Variants in USP31 observed in about 807,000 individuals in gnomAD.
USP31 encodes ubiquitin specific peptidase 31.
USP31 carries 44 observed loss-of-function variants against 119.4 expected under a neutral mutation model. The ratio of observed to expected loss-of-function variants is 0.37; its 90% CI spans 0.29 to 0.47. The LOEUF is 0.47. Among genes scored for constraint, USP31 ranks in the 20% least tolerant of loss-of-function variants. USP31 has a pLI of 0.99. For missense variants in USP31, 1,643 were observed against 1,730.2 expected, an observed-to-expected ratio of 0.95 and a Z score of 0.89; for synonymous variants, 749 against 705.6, an observed-to-expected ratio of 1.06 and a Z score of -0.97.
chr16:23,121,392 A>G (rs920600120), intron 1 of USP31, among the ~76,000 whole-genome samples: 48 of 152,182 alleles, frequency 3.2e-4, no homozygotes, highest in African/African-American at 9.9e-4. Context: ...AGACACCTCC[A>G]GCTCATCCTG....
At chr16:23,126,855 C>T (rs1567244811) in intron 1 of USP31, among the ~76,000 whole-genome samples, 1 of 151,982 alleles carries the variant, frequency 6.6e-6, no homozygotes, top group Non-Finnish European at 1.5e-5. Context: ...TACCATTTAT[C>T]TAAATAAGAG....
chr16:23,077,463 G>C (rs1900625886), intron 13 of USP31, among the ~76,000 whole-genome samples: 1 of 152,198 alleles, frequency 6.6e-6, no homozygotes, highest in African/African-American at 2.4e-5. Flanking sequence ...ATGAAAGGTA[G>C]CAAGGCCAAC....
At position 23,069,059 on chromosome 16, in the gene USP31, C is replaced by T. The variant is rs775646173; in HGVS notation, c.3046G>A (p.Ala1016Thr). Residue 1016 changes from alanine (A) to threonine (T), a missense_variant, in exon 16 of 16, where the codon GCA (alanine) becomes ACA (threonine). Physicochemically the swap from Ala to Thr is moderately conservative, Grantham distance 58. Coordinates refer to ENST00000219689, the MANE Select transcript of USP31 (RefSeq NM_020718.4). The part of the protein sequence containing the change: ...VKAPSHPGSL[A>T]KKPESTTKRS... ...TTAGTTGTGCTCTCTGGTTTCTTTG[C>T]GAGTGAGCCTGGGTGGCTGGGGGCT... 8 of 1,612,454 alleles carry T rather than the reference C, an allele frequency of 5.0e-6. No homozygotes were observed. The highest frequency in any genetic ancestry group is 2.2e-5 in the East Asian group (1 of 44,892).
chr16:23,083,695 C>CGGGGGGGGG (rs11311505), intron 11 of USP31, among the ~76,000 whole-genome samples: 15 of 37,880 alleles, frequency 4.0e-4, no homozygotes, highest in Non-Finnish European at 6.5e-4. Flanking sequence ...GCAAACCTGG[C>CGGGGGGGGG]GGGGGGGGGG....
chr16:23,124,598 A>G (rs548130082), intron 1 of USP31, among the ~76,000 whole-genome samples: 2 of 152,324 alleles, frequency 1.3e-5, no homozygotes, highest in South Asian at 4.1e-4. Context: ...AGTGGTCATA[A>G]CCTAGAGCAT....
intron 1 of USP31, among the ~76,000 whole-genome samples, chr16:23,145,671 T>C (rs1430033710): frequency 6.6e-6 from 1 of 152,110 alleles, no homozygotes; most frequent in Non-Finnish European, 1.5e-5. Flanking sequence ...AAAAAGCCAA[T>C]GATAGCTAAA....
chr16:23,080,411 G>A (rs939701462), intron 12 of USP31, among the ~76,000 whole-genome samples: 3 of 152,096 alleles, frequency 2.0e-5, no homozygotes, highest in African/African-American at 7.2e-5. Flanking sequence ...GAGCCTCTCT[G>A]AGTCTTCCTT....
rs193198411 is a variant in USP31 at position 23,106,353 on chromosome 16, G to C, written c.860+46C>G. On this transcript the variant is annotated intron_variant, in intron 3 of 15. Transcript: ENST00000219689. ...GCTTGACATTAAAATCACCCAGAAC[G>C]ATGTCAGGTAAACAAAATAAGTGGA... 5.6e-6 allele frequency: 9 copies of C among 1,613,116 alleles called. No homozygotes were observed. The African/African-American group carries it at 6.7e-5, about 12-fold the overall frequency.
At chr16:23,130,140 G>C (rs186650490) in intron 1 of USP31, among the ~76,000 whole-genome samples, 13 of 152,260 alleles carry the variant, frequency 8.5e-5, no homozygotes, top group Middle Eastern at 3.4e-3. Context: ...TCCGGGACAG[G>C]GGGGAAGATA....
intron 1 of USP31, among the ~76,000 whole-genome samples, chr16:23,147,542 C>A (rs1007969549): frequency 1.3e-5 from 2 of 152,168 alleles, no homozygotes; most frequent in African/African-American, 2.4e-5. Flanking sequence ...CCATACCATC[C>A]GGTCCCAGCC....
rs1286620345 is a variant in USP31 at position 23,118,334 on chromosome 16, A to T, written c.634-10151T>A. 3.3e-5 allele frequency among the ~76,000 whole-genome samples: 5 copies of T among 152,372 alleles called. 1 individual carries two copies. The South Asian group carries it at 8.3e-4, about 25-fold the overall frequency. On this transcript the variant is annotated intron_variant, in intron 1 of 15. Transcript: ENST00000219689. ...ATCCTTAAAAATGCCAAAGATAAAGAAAACGAGAAAATATCTAAAGCATTA... is the reference window on the plus strand; with the variant it reads ...ATCCTTAAAAATGCCAAAGATAAAGTAAACGAGAAAATATCTAAAGCATTA...
rs986161999 is a variant in USP31, at chr16:23,062,586, GTTGT to G, written c.*5456_*5459del. 1.3e-5 allele frequency: 2 copies of G among 152,584 alleles called. No homozygotes were observed. Among genetic ancestry groups the G allele is most frequent in the African/African-American group, 2.4e-5 (1 of 41,450 alleles). The allele number at this position is 152,584 out of a possible 1,614,324, so 9.5% of individuals were successfully genotyped here. On this transcript the variant is annotated 3_prime_UTR_variant, in exon 16 of 16. Transcript: ENST00000219689. ...GGACAGGCTTTCCAAGGCTAGGAAGGTTGTTTCTTTTCTTCTTCGACAATTTCTA... is the reference window on the plus strand; with the variant it reads ...GGACAGGCTTTCCAAGGCTAGGAAGGTTCTTTTCTTCTTCGACAATTTCTA...
At position 23,072,217 on chromosome 16, in the gene USP31, C is replaced by G; in HGVS notation, c.2336-20G>C. The stretch of plus-strand genomic sequence containing the variant: ...TGGAGCCTGCAGAGAAGAAAACAGG[C>G]ATAGAGGTCAGGCTGGGGTCCCTCG... On this transcript the variant is annotated intron_variant, in intron 14 of 15. Coordinates refer to ENST00000219689, the MANE Select transcript of USP31 (RefSeq NM_020718.4). The G allele has an allele frequency of 6.3e-7, 1 of 1,598,192 alleles. No individual in the cohort carries two copies. Among genetic ancestry groups the G allele is most frequent in the Non-Finnish European group, 8.5e-7 (1 of 1,177,744 alleles).
chr16:23,129,381 T>C (rs1902959477), intron 1 of USP31, among the ~76,000 whole-genome samples: 1 of 152,120 alleles, frequency 6.6e-6, no homozygotes, highest in African/African-American at 2.4e-5. Flanking sequence ...AGAAACAATA[T>C]CAGAGAAATA....
rs528361714 is a variant in USP31 at position 23,105,898 on chromosome 16, G to A, written c.953+315C>T. Among the ~76,000 whole-genome samples, 6 of 152,234 alleles carry A rather than the reference G, an allele frequency of 3.9e-5. No individual in the cohort carries two copies. The East Asian group carries it at 7.7e-4, about 20-fold the overall frequency. On this transcript the variant is annotated intron_variant, in intron 4 of 15. Transcript: ENST00000219689. ...GAGAAATTGTTCAAAATAAAGCAACGAAGAAACAAGAAATGTAAAGTAAGG... is the reference window on the plus strand; with the variant it reads ...GAGAAATTGTTCAAAATAAAGCAACAAAGAAACAAGAAATGTAAAGTAAGG...
At chr16:23,083,068 G>A (rs909854532) in intron 11 of USP31, among the ~76,000 whole-genome samples, 2 of 152,018 alleles carry the variant, frequency 1.3e-5, no homozygotes, top group African/African-American at 2.4e-5. Context: ...GAACTCAGGC[G>A]ATCCGTCCAC....
chr16:23,076,404 T>C (rs192333563), intron 13 of USP31, among the ~76,000 whole-genome samples: 1 of 152,026 alleles, frequency 6.6e-6, no homozygotes, highest in Admixed American at 6.5e-5. Context: ...ACTAGAAAAG[T>C]GGTGGTAGGG....
rs1483084401 is a variant in USP31, at chr16:23,072,432, G to GC, written c.2336-236dup. On this transcript the variant is annotated intron_variant, in intron 14 of 15. Transcript: ENST00000219689. ...CGCATGAAATTTGTAGTAATAAAAT[G>GC]CAAGGATAGGGATGAATACTTTATA... 8.1e-6 allele frequency: 5 copies of GC among 614,672 alleles called. No homozygotes were observed. The East Asian group carries it at 1.1e-4, about 13-fold the overall frequency. The allele number at this position is 614,672 out of a possible 1,614,324, so 38.1% of individuals were successfully genotyped here. A position where few individuals can be genotyped will look rare whatever the true frequency, so the allele number is the denominator to read the frequency against.
intron 1 of USP31, among the ~76,000 whole-genome samples, chr16:23,143,213 A>G (rs1903402138): frequency 6.6e-6 from 1 of 152,202 alleles, no homozygotes; most frequent in Admixed American, 6.5e-5. Flanking sequence ...GAGTCCCCAC[A>G]ATTCTTTTAT....
Sources: gnomAD v4.1 joint callset for allele counts (sites outside exome capture counted in the v4.1 genomes callset) on GRCh38, gnomAD v4.1.1 for gene constraint, MANE v1.5 for transcripts, NCBI Gene and HGNC (gene_info 2026-07-23, HGNC 2026-07-21) for gene names.